The following SMIM35 variants were observed in gnomAD, a reference collection of about 807,000 sequenced individuals.
SMIM35 encodes the protein small integral membrane protein 35.
chr11:118,072,025 C>T (rs1591311860), intron 1 of SMIM35, among the ~76,000 whole-genome samples: 1 of 152,326 alleles, frequency 6.6e-6, no homozygotes, highest in East Asian at 1.9e-4. Context: ...AGACTGAGCT[C>T]TTCAAGGCAG....
In SMIM35 at chr11:118,060,810, T is replaced by G. The variant is rs114871882; in HGVS notation, c.7+25941A>C. On this transcript the variant is annotated intron_variant, in intron 1 of 4. Coordinates refer to ENST00000689828, the MANE Select transcript of SMIM35 (RefSeq NM_001394165.1). ...CCAAGTCTCTCTTACCAGCCAGACA[T>G]GGGTACTCCCATCATCCCTCCCACA... 7.0e-3 allele frequency among the ~76,000 whole-genome samples: 1,073 copies of G among 152,340 alleles called. 8 individuals carry two copies. The highest frequency in any genetic ancestry group is 0.023 in the African/African-American group (949 of 41,588).
intron 4 of SMIM35, among the ~76,000 whole-genome samples, chr11:118,006,884 G>A (rs914172222): frequency 1.2e-4 from 18 of 152,310 alleles, no homozygotes; most frequent in Middle Eastern, 6.8e-3. Flanking sequence ...GGGAAGGCAA[G>A]GGGATGTGGT....
intron 1 of SMIM35, among the ~76,000 whole-genome samples, chr11:118,019,548 T>G (rs762051714): frequency 6.6e-6 from 1 of 152,242 alleles, no homozygotes; most frequent in Non-Finnish European, 1.5e-5. Flanking sequence ...CCCAAAGTCT[T>G]TGGCTGTGGT....
chr11:118,075,408 C>G (rs1944650664), intron 1 of SMIM35, among the ~76,000 whole-genome samples: 1 of 152,226 alleles, frequency 6.6e-6, no homozygotes, highest in Non-Finnish European at 1.5e-5. Flanking sequence ...TTACACAGAT[C>G]CGGTATTCCT....
Position 118,005,751 on chromosome 11 carries a change from C to G in SMIM35, c.*659G>C, listed in dbSNP as rs2058118127. Reference sequence around the variant, plus strand: ...GGTCAAATTCATCTTCACCTCTCCCCTGGACCACCATGAGGCTCTGTCCTG... The same window carrying G: ...GGTCAAATTCATCTTCACCTCTCCCGTGGACCACCATGAGGCTCTGTCCTG... On this transcript the variant is annotated 3_prime_UTR_variant, in exon 5 of 5. Coordinates refer to ENST00000689828, the MANE Select transcript of SMIM35 (RefSeq NM_001394165.1). The G allele has an allele frequency of 6.5e-6, 1 of 152,854 alleles. No individual in the cohort carries two copies. The highest frequency in any genetic ancestry group is 2.4e-5 in the African/African-American group (1 of 41,476). 9.5% of individuals were successfully genotyped at this position (152,854 alleles called of 1,614,324 possible).
chr11:118,065,710 T>G (rs1387906606), intron 1 of SMIM35, among the ~76,000 whole-genome samples: 6 of 152,182 alleles, frequency 3.9e-5, no homozygotes, highest in Non-Finnish European at 8.8e-5. Flanking sequence ...TAGAGGGTAT[T>G]TAAGCCCCAG....
intron 1 of SMIM35, among the ~76,000 whole-genome samples, chr11:118,079,378 G>A (rs185014637): frequency 3.3e-5 from 5 of 152,090 alleles, no homozygotes; most frequent in East Asian, 1.9e-4. Flanking sequence ...GAGCTGCTGC[G>A]TCTTAATGAC....
At chr11:118,061,566 A>C (rs535960254) in intron 1 of SMIM35, among the ~76,000 whole-genome samples, 1 of 151,868 alleles carries the variant, frequency 6.6e-6, no homozygotes. Flanking sequence ...GATCAAAGGA[A>C]GTGGGAGGGG....
At chr11:118,049,137 C>T (rs535723940) in intron 1 of SMIM35, among the ~76,000 whole-genome samples, 2 of 152,076 alleles carry the variant, frequency 1.3e-5, no homozygotes, top group East Asian at 3.9e-4. Flanking sequence ...TTTTCCAGGC[C>T]TCCACAGGGT....
Position 118,018,349 on chromosome 11 carries a change from G to A in SMIM35, c.8-2540C>T, listed in dbSNP as rs111430487. 4.3e-4 allele frequency among the ~76,000 whole-genome samples: 66 copies of A among 152,274 alleles called. 1 individual carries two copies. The Middle Eastern group carries it at 0.01, about 24-fold the overall frequency. Reference sequence around the variant, plus strand: ...GCTGGCTACTGTGTTAAGAATTGACGAAGTAGGGAATGATGCTGGAGAAGG... The same window carrying A: ...GCTGGCTACTGTGTTAAGAATTGACAAAGTAGGGAATGATGCTGGAGAAGG... On this transcript the variant is annotated intron_variant, in intron 1 of 4. Transcript: ENST00000689828.
chr11:118,041,540 C>G (rs1944000912), intron 1 of SMIM35, among the ~76,000 whole-genome samples: 1 of 152,136 alleles, frequency 6.6e-6, no homozygotes, highest in Non-Finnish European at 1.5e-5. Flanking sequence ...TTAAACAACA[C>G]ACTCCTAAAT....
chr11:118,054,056 GTA>G (rs1213647244), intron 1 of SMIM35, among the ~76,000 whole-genome samples: 1 of 151,878 alleles, frequency 6.6e-6, no homozygotes, highest in East Asian at 1.9e-4. Context: ...CCTATGCTAG[GTA>G]TTTCATCTTT....
intron 1 of SMIM35, among the ~76,000 whole-genome samples, chr11:118,055,351 C>T (rs575671458): frequency 2.0e-5 from 3 of 152,280 alleles, no homozygotes; most frequent in Admixed American, 2.0e-4. Flanking sequence ...TGCAGGAAGT[C>T]ATGCGCTATT....
intron 1 of SMIM35, among the ~76,000 whole-genome samples, chr11:118,065,145 C>A (rs1944452147): frequency 6.6e-6 from 1 of 152,246 alleles, no homozygotes; most frequent in African/African-American, 2.4e-5. Context: ...GCCTAGGCAG[C>A]TGCACAGCGC....
At chr11:118,022,381 A>C (rs550683059) in intron 1 of SMIM35, among the ~76,000 whole-genome samples, 23 of 152,320 alleles carry the variant, frequency 1.5e-4, no homozygotes, top group African/African-American at 5.5e-4. Context: ...AATCTCAATA[A>C]ATTTTTAAAA....
chr11:118,011,074 A>G (rs1291145490), intron 4 of SMIM35, among the ~76,000 whole-genome samples: 1 of 152,264 alleles, frequency 6.6e-6, no homozygotes, highest in Non-Finnish European at 1.5e-5. Context: ...TGTGCTCGCC[A>G]GTAGCCTGCG....
chr11:118,080,995 C>A (rs920708320), intron 1 of SMIM35, among the ~76,000 whole-genome samples: 2 of 152,212 alleles, frequency 1.3e-5, no homozygotes, highest in African/African-American at 2.4e-5. Context: ...CCTGTTGCCA[C>A]CAGAATGGGA....
intron 1 of SMIM35, among the ~76,000 whole-genome samples, chr11:118,053,348 A>ACACC (rs1944252431): frequency 7.4e-6 from 1 of 135,850 alleles, no homozygotes; most frequent in Admixed American, 7.4e-5. Flanking sequence ...ACACACACAC[A>ACACC]CACACAAAGC....
intron 1 of SMIM35, among the ~76,000 whole-genome samples, chr11:118,074,663 C>T (rs1208964239): frequency 3.3e-5 from 5 of 151,926 alleles, no homozygotes; most frequent in African/African-American, 1.2e-4. Flanking sequence ...GGGGGAATCC[C>T]TTGAGCTCAG....
Sources: allele counts gnomAD v4.1 joint callset (sites outside exome capture counted in the v4.1 genomes callset), GRCh38; gene constraint gnomAD v4.1.1; transcripts MANE v1.5; gene names NCBI Gene and HGNC (gene_info 2026-07-23, HGNC 2026-07-21).